The following TMCC1 variants were observed in gnomAD, a reference collection of about 807,000 sequenced individuals.
The protein encoded by TMCC1 is transmembrane and coiled-coil domains protein 1.
Under a neutral mutation model 52.4 loss-of-function variants are expected in TMCC1, and 15 were observed. The observed-to-expected ratio is 0.29, with a 90% CI of 0.19 to 0.44. The LOEUF (loss-of-function observed/expected upper bound fraction) is 0.44, where lower values mean the gene tolerates loss of function less well. Among genes scored for constraint, TMCC1 ranks in the 20% least tolerant of loss-of-function variants. TMCC1 has a pLI of 1.00. For missense variants in TMCC1, 503 were observed against 806.0 expected (o/e 0.62, Z 4.55); for synonymous variants, 279 against 301.9 (o/e 0.92, Z 0.79).
intron 4 of TMCC1, among the ~76,000 whole-genome samples, chr3:129,751,478 C>T (rs2052517050): frequency 6.6e-6 from 1 of 150,946 alleles, no homozygotes; most frequent in South Asian, 2.1e-4. Context: ...TGCAGTGAGC[C>T]ATGATTGCAC....
intron 2 of TMCC1, among the ~76,000 whole-genome samples, chr3:129,841,625 A>C (rs2059427006): frequency 6.6e-6 from 1 of 152,198 alleles, no homozygotes; most frequent in Non-Finnish European, 1.5e-5. Context: ...TGTATGTCAT[A>C]TGTGTTCACA....
Position 129,843,488 on chromosome 3 carries a change from C to T in TMCC1, c.-183-10662G>A, listed in dbSNP as rs535889732. Among the ~76,000 whole-genome samples, 8 of 152,078 alleles carry T rather than the reference C, an allele frequency of 5.3e-5. No homozygotes were observed. In the South Asian group the frequency reaches 1.7e-3, roughly 32 times the overall value. ...TAAAATTGATAAACTTATAGCCAGG[C>T]TATCCAAGAAATAAACAAAGACATA... is the stretch of plus-strand genomic sequence containing the variant. On this transcript the variant is annotated intron_variant, in intron 2 of 6. Transcript: ENST00000393238.
At chr3:129,817,649 A>T (rs1013362373) in intron 4 of TMCC1, among the ~76,000 whole-genome samples, 4 of 149,900 alleles carry the variant, frequency 2.7e-5, no homozygotes, top group Admixed American at 6.7e-5. Context: ...TAAGCTGGGA[A>T]TTTTTTTTTT....
At chr3:129,816,510 C>G (rs181574678) in intron 4 of TMCC1, among the ~76,000 whole-genome samples, 58 of 152,184 alleles carry the variant, frequency 3.8e-4, no homozygotes, top group Non-Finnish European at 2.6e-4. Flanking sequence ...TTATCACTCA[C>G]ATGTGGGAGC....
In TMCC1 at chr3:129,756,901, G is replaced by C. The variant is rs867364987; in HGVS notation, c.576+70902C>G. Reference sequence around the variant, plus strand: ...AAATTTTTAGGGTAAAGGAGTTGTTGTGTATGGTACTATAGGATACATGTG... The same window carrying C: ...AAATTTTTAGGGTAAAGGAGTTGTTCTGTATGGTACTATAGGATACATGTG... On this transcript the variant is annotated intron_variant, in intron 4 of 6. Transcript: ENST00000393238. 3.9e-5 allele frequency among the ~76,000 whole-genome samples: 6 copies of C among 152,314 alleles called. No homozygotes were observed. The South Asian group carries it at 1.2e-3, about 32-fold the overall frequency.
intron 2 of TMCC1, among the ~76,000 whole-genome samples, chr3:129,843,838 A>T (rs2059534662): frequency 6.8e-6 from 1 of 147,682 alleles, no homozygotes; most frequent in Non-Finnish European, 1.5e-5. Flanking sequence ...CTTGCAAAAA[A>T]GAGAAGGGAA....
chr3:129,703,219 C>A (rs1325796614), intron 4 of TMCC1, among the ~76,000 whole-genome samples: 10 of 152,156 alleles, frequency 6.6e-5, no homozygotes, highest in Non-Finnish European at 1.5e-4. Flanking sequence ...AGCCATCTGA[C>A]TCGAAGAGAT....
intron 4 of TMCC1, among the ~76,000 whole-genome samples, chr3:129,740,931 T>C (rs1426207732): frequency 6.6e-6 from 1 of 152,194 alleles, no homozygotes; most frequent in Non-Finnish European, 1.5e-5. Context: ...CATATACCTT[T>C]AACCTTATTA....
At chr3:129,877,092 T>C (rs148685125) in intron 2 of TMCC1, among the ~76,000 whole-genome samples, 179 of 152,348 alleles carry the variant, frequency 1.2e-3, no homozygotes, top group African/African-American at 3.7e-3. Context: ...CAAGAACATC[T>C]ACCCAGAGTT....
chr3:129,893,031 C>G (rs2062046145), intron 1 of TMCC1, among the ~76,000 whole-genome samples: 1 of 152,168 alleles, frequency 6.6e-6, no homozygotes, highest in Admixed American at 6.5e-5. Context: ...AGGTGCAAAA[C>G]TGGTTTCAGG....
chr3:129,865,907 C>T (rs180782253), intron 2 of TMCC1, among the ~76,000 whole-genome samples: 71 of 152,202 alleles, frequency 4.7e-4, no homozygotes, highest in African/African-American at 1.2e-3. Context: ...CAGGAACCAG[C>T]GGGATCTCAA....
chr3:129,842,473 A>C (rs963743822), intron 2 of TMCC1, among the ~76,000 whole-genome samples: 1 of 131,828 alleles, frequency 7.6e-6, no homozygotes, highest in Admixed American at 7.4e-5. Context: ...CTAAAAAAAA[A>C]CAAAACACAC....
chr3:129,670,683 G>A lies in TMCC1; in HGVS notation c.1158C>T (p.Ile386=), dbSNP rs376619941. ...CCTCTAAAGAGTCCTTCAGGTTGGG[G>A]ATGTTGTCTGCACTGCCAAATTTGT... ...IRNKFGSADN[I]PNLKDSLEEG... is the part of the protein sequence containing the mutation. Residue 386 remains isoleucine (I), a synonymous_variant, in exon 5 of 7, where the codon ATC becomes ATT. Transcript: ENST00000393238. 1.8e-5 allele frequency: 29 copies of A among 1,614,080 alleles called. No homozygotes were observed. The highest frequency in any genetic ancestry group is 2.4e-5 in the Non-Finnish European group (28 of 1,180,034).
intron 6 of TMCC1, among the ~76,000 whole-genome samples, chr3:129,654,742 T>G (rs1235111302): frequency 6.6e-6 from 1 of 152,202 alleles, no homozygotes; most frequent in East Asian, 1.9e-4. Context: ...GAGATTACTG[T>G]GATCCTAAGA....
At chr3:129,823,766 A>G (rs369389806) in intron 4 of TMCC1, among the ~76,000 whole-genome samples, 1 of 152,232 alleles carries the variant, frequency 6.6e-6, no homozygotes, top group Admixed American at 6.5e-5. Context: ...TGGATAAACC[A>G]AAGAGTAGTG....
At chr3:129,887,831 T>G (rs1301392915) in intron 1 of TMCC1, among the ~76,000 whole-genome samples, 1 of 152,180 alleles carries the variant, frequency 6.6e-6, no homozygotes, top group African/African-American at 2.4e-5. Flanking sequence ...CATAAAATAC[T>G]AGAAGCTGTC....
chr3:129,710,287 T>A (rs546477300), intron 4 of TMCC1, among the ~76,000 whole-genome samples: 1 of 152,216 alleles, frequency 6.6e-6, no homozygotes, highest in Non-Finnish European at 1.5e-5. Flanking sequence ...CTTGTGAGGT[T>A]TGTAAGGCAG....
intron 2 of TMCC1, among the ~76,000 whole-genome samples, chr3:129,849,592 C>T (rs1009547688): frequency 1.3e-5 from 2 of 151,676 alleles, no homozygotes; most frequent in African/African-American, 4.8e-5. Context: ...GTGAAACCCC[C>T]TCTCAACTAA....
chr3:129,683,275 A>G (rs1426326643), intron 4 of TMCC1, among the ~76,000 whole-genome samples: 1 of 152,164 alleles, frequency 6.6e-6, no homozygotes, highest in Non-Finnish European at 1.5e-5. Context: ...CTTGTACACC[A>G]CTGGTCTATG....
Sources: gnomAD v4.1 joint callset for allele counts (sites outside exome capture counted in the v4.1 genomes callset) on GRCh38, gnomAD v4.1.1 for gene constraint, MANE v1.5 for transcripts, NCBI Gene and HGNC (gene_info 2026-07-23, HGNC 2026-07-21) for gene names.